ACER3: variants seen among roughly 807,000 people sequenced by gnomAD.
ACER3 encodes the protein alkaline ceramidase 3, also known as alkCDase 3.
In ACER3, 16 loss-of-function variants were observed where a neutral mutation model predicts 48.9. The ratio of observed to expected loss-of-function variants is 0.33; its 90% CI spans 0.22 to 0.50. The LOEUF is 0.50. Ranked by LOEUF, ACER3 falls within the 20% of genes least tolerant of loss-of-function variation. The pLI is 0.98. For missense variants in ACER3, 227 were observed against 326.0 expected (o/e 0.70, Z 2.34); for synonymous variants, 109 against 107.8 (o/e 1.01, Z -0.07).
chr11:76,989,111 T>C (rs1948744600), intron 5 of ACER3, among the ~76,000 whole-genome samples: 1 of 152,176 alleles, frequency 6.6e-6, no homozygotes, highest in South Asian at 2.1e-4. Context: ...GCATTACCTA[T>C]ATAAATGGAA....
At chr11:76,950,015 T>C (rs1379295875) in intron 2 of ACER3, among the ~76,000 whole-genome samples, 3 of 152,164 alleles carry the variant, frequency 2.0e-5, no homozygotes, top group Non-Finnish European at 2.9e-5. Flanking sequence ...TGGTGAACTC[T>C]GCATTGCTAT....
At chr11:76,980,897 T>G (rs1052459755) in intron 4 of ACER3, among the ~76,000 whole-genome samples, 7 of 152,230 alleles carry the variant, frequency 4.6e-5, no homozygotes, top group Non-Finnish European at 7.3e-5. Flanking sequence ...TAAAATAAAC[T>G]TATTGTATGC....
rs1029726976 is a variant in ACER3, at chr11:76,997,812, T to G, written c.439-951T>G. Among the ~76,000 whole-genome samples the G allele has an allele frequency of 9.2e-5, 14 of 152,264 alleles. 1 individual carries two copies. Among genetic ancestry groups the G allele is most frequent in the Admixed American group, 3.3e-4 (5 of 15,290 alleles). Reference sequence around the variant, plus strand: ...ATGATCATGCCACTGCACTCCAGCCTAGACAACAAAAGACCCTGCCTCAAA... The same window carrying G: ...ATGATCATGCCACTGCACTCCAGCCGAGACAACAAAAGACCCTGCCTCAAA... On this transcript the variant is annotated intron_variant, in intron 6 of 10. Coordinates refer to ENST00000532485, the MANE Select transcript of ACER3 (RefSeq NM_018367.7).
chr11:76,930,226 CT>C (rs1212700947), intron 2 of ACER3, among the ~76,000 whole-genome samples: 1 of 152,170 alleles, frequency 6.6e-6, no homozygotes, highest in Non-Finnish European at 1.5e-5. Context: ...TTATCCATTT[CT>C]TCTAGATTTT....
chr11:77,001,174 T>C (rs1949024539), intron 7 of ACER3, among the ~76,000 whole-genome samples: 1 of 152,222 alleles, frequency 6.6e-6, no homozygotes, highest in Non-Finnish European at 1.5e-5. Flanking sequence ...ATTATATAGA[T>C]ACACAATTGA....
At chr11:76,862,896 G>A (rs183808124) in intron 1 of ACER3, among the ~76,000 whole-genome samples, 2 of 132,432 alleles carry the variant, frequency 1.5e-5, no homozygotes, top group Admixed American at 7.6e-5. Flanking sequence ...AGCTTTATGG[G>A]TCTATGTAGG....
intron 3 of ACER3, among the ~76,000 whole-genome samples, chr11:76,968,498 C>T (rs1689810451): frequency 1.3e-5 from 2 of 152,076 alleles, no homozygotes; most frequent in African/African-American, 4.8e-5. Context: ...AATCCTAAGC[C>T]AAAAGAACAA....
At chr11:76,876,861 A>C (rs1945396626) in intron 1 of ACER3, among the ~76,000 whole-genome samples, 1 of 152,124 alleles carries the variant, frequency 6.6e-6, no homozygotes, top group Admixed American at 6.5e-5. Flanking sequence ...TACCCTGTGC[A>C]CTTTTTATTG....
intron 1 of ACER3, among the ~76,000 whole-genome samples, chr11:76,889,930 T>G (rs1945765373): frequency 6.6e-6 from 1 of 152,176 alleles, no homozygotes; most frequent in Non-Finnish European, 1.5e-5. Flanking sequence ...CTTTAAATAT[T>G]TTAAAAACAC....
chr11:76,969,158 G>A (rs904591539), intron 3 of ACER3, among the ~76,000 whole-genome samples: 10 of 152,238 alleles, frequency 6.6e-5, no homozygotes, highest in African/African-American at 2.4e-4. Context: ...CTTCTCAAAA[G>A]AAGACATTTA....
chr11:76,950,377 A>ATG lies in ACER3; in HGVS notation c.215-8601_215-8600insGT, dbSNP rs1947620050. ...CATATATATATATATATATATATAT[A>ATG]TATATATATATATATATATATATAT... On this transcript the variant is annotated intron_variant, in intron 2 of 10. Transcript: ENST00000532485. Among the ~76,000 whole-genome samples the ATG allele has an allele frequency of 1.2e-4, 3 of 25,052 alleles. 1 individual carries two copies. Among genetic ancestry groups the ATG allele is most frequent in the Non-Finnish European group, 2.7e-4 (3 of 11,086 alleles). The allele number at this position is 25,052 out of a possible 152,430, so 16.4% of individuals were successfully genotyped here.
intron 1 of ACER3, among the ~76,000 whole-genome samples, chr11:76,871,919 C>T (rs1945250317): frequency 6.6e-6 from 1 of 152,042 alleles, no homozygotes; most frequent in South Asian, 2.1e-4. Flanking sequence ...TATCTTGTTG[C>T]TACAAAAAGT....
intron 2 of ACER3, among the ~76,000 whole-genome samples, chr11:76,933,727 C>G (rs1402073217): frequency 6.6e-6 from 1 of 152,174 alleles, no homozygotes; most frequent in Non-Finnish European, 1.5e-5. Flanking sequence ...AATCTTTTCC[C>G]CACCTTTCCC....
intron 1 of ACER3, among the ~76,000 whole-genome samples, chr11:76,871,487 G>C (rs1258982553): frequency 2.6e-5 from 4 of 152,194 alleles, no homozygotes; most frequent in Non-Finnish European, 5.9e-5. Flanking sequence ...CAGCTTACAG[G>C]TCATAGGTGG....
rs1949471786 is a variant in ACER3, at chr11:77,021,494, T to G, written c.*1167T>G. The G allele has an allele frequency of 6.6e-6, 1 of 152,194 alleles. No individual in the cohort carries two copies. The highest frequency in any genetic ancestry group is 1.5e-5 in the Non-Finnish European group (1 of 68,026). 9.4% of individuals were successfully genotyped at this position (152,194 alleles called of 1,614,324 possible). A position where few individuals can be genotyped will look rare whatever the true frequency, so the allele number is the denominator to read the frequency against. ...TTGAATGTATAACAAATTGCATCAC[T>G]TTTCACAAACTTAACACCTGCCTGG... is the stretch of plus-strand genomic sequence containing the variant. On this transcript the variant is annotated 3_prime_UTR_variant, in exon 11 of 11. Transcript: ENST00000532485.
chr11:76,874,476 T>C (rs76810779), intron 1 of ACER3, among the ~76,000 whole-genome samples: 6,691 of 152,238 alleles, frequency 0.044, 193 homozygotes, highest in Non-Finnish European at 0.068. Context: ...TTAGTTTTAT[T>C]TGTGAACTCG....
At chr11:76,988,228 G>C (rs79762836) in intron 5 of ACER3, among the ~76,000 whole-genome samples, 146 of 152,344 alleles carry the variant, frequency 9.6e-4, no homozygotes, top group African/African-American at 3.5e-3. Context: ...GGAGGCAAAA[G>C]CCAGATTTCA....
chr11:76,920,988 C>T (rs1946673825), intron 1 of ACER3, among the ~76,000 whole-genome samples: 1 of 152,090 alleles, frequency 6.6e-6, no homozygotes, highest in Non-Finnish European at 1.5e-5. Flanking sequence ...ATTTTATGTG[C>T]ATTATTTTGC....
chr11:76,883,437 G>GTTTT (rs1565157827), intron 1 of ACER3, among the ~76,000 whole-genome samples: 1 of 71,918 alleles, frequency 1.4e-5, no homozygotes, highest in Non-Finnish European at 3.8e-5. Context: ...TGATTTTCTT[G>GTTTT]CTTTTTTTTT....
Sources: allele counts gnomAD v4.1 joint callset (sites outside exome capture counted in the v4.1 genomes callset), GRCh38; gene constraint gnomAD v4.1.1; transcripts MANE v1.5; gene names NCBI Gene and HGNC (gene_info 2026-07-23, HGNC 2026-07-21).